The following GTPBP10 variants were observed in gnomAD, a reference collection of about 807,000 sequenced individuals.
GTPBP10 encodes the protein GTP binding protein 10.
In GTPBP10, 38 loss-of-function variants were observed where a neutral mutation model predicts 44.8. That is an observed-to-expected ratio of 0.85 (90% CI 0.65 to 1.11). GTPBP10 has a LOEUF of 1.11. Among genes scored for constraint, GTPBP10 ranks in the 50% most tolerant of loss-of-function variants. The pLI, the probability that GTPBP10 is intolerant of heterozygous loss-of-function variation, is 0.00. For missense variants in GTPBP10, 462 were observed against 453.7 expected (o/e 1.02, Z -0.17); for synonymous variants, 152 against 150.6 (o/e 1.01, Z -0.07).
At chr7:90,368,567 TTCCACTTGA>T (rs1796183511) in intron 4 of GTPBP10, among the ~76,000 whole-genome samples, 1 of 152,208 alleles carries the variant, frequency 6.6e-6, no homozygotes, top group South Asian at 2.1e-4. Flanking sequence ...CCTTCCTTTC[TTCCACTTGA>T]TCCAGTCGGC....
At chr7:90,373,202 C>T (rs1194152313) in intron 5 of GTPBP10, among the ~76,000 whole-genome samples, 5 of 151,984 alleles carry the variant, frequency 3.3e-5, no homozygotes, top group Non-Finnish European at 2.9e-5. Context: ...GTCACATAGA[C>T]CATTTAGGCT....
chr7:90,360,211 G>C (rs1467900925), intron 4 of GTPBP10, among the ~76,000 whole-genome samples: 1 of 152,104 alleles, frequency 6.6e-6, no homozygotes, highest in East Asian at 1.9e-4. Flanking sequence ...TGAAGTCCTT[G>C]CCCATGCCTA....
chr7:90,367,873 C>T (rs1366996590), intron 4 of GTPBP10, among the ~76,000 whole-genome samples: 1 of 152,124 alleles, frequency 6.6e-6, no homozygotes, highest in Non-Finnish European at 1.5e-5. Context: ...TTCTTCATAG[C>T]GTCAATGGTG....
intron 1 of GTPBP10, among the ~76,000 whole-genome samples, chr7:90,350,269 A>G (rs1205020936): frequency 2.6e-5 from 4 of 152,198 alleles, no homozygotes; most frequent in Non-Finnish European, 4.4e-5. Context: ...TCCATCGTGT[A>G]TATGTGCCAC....
chr7:90,380,660 A>G (rs1796420902), intron 8 of GTPBP10, among the ~76,000 whole-genome samples: 1 of 152,240 alleles, frequency 6.6e-6, no homozygotes, highest in Non-Finnish European at 1.5e-5. Flanking sequence ...TGTGTTGAGA[A>G]TATTTAAAAT....
chr7:90,358,000 G>C (rs1795940099), intron 4 of GTPBP10, among the ~76,000 whole-genome samples: 1 of 152,064 alleles, frequency 6.6e-6, no homozygotes, highest in Non-Finnish European at 1.5e-5. Flanking sequence ...CAAACTATCT[G>C]TTTGCCCACC....
Position 90,383,009 on chromosome 7 carries a change from T to A in GTPBP10, c.831T>A (p.Val277=). 1 of 1,600,280 alleles carries A rather than the reference T, an allele frequency of 6.2e-7. No homozygotes were observed. The highest frequency in any genetic ancestry group is 1.1e-5 in the South Asian group (1 of 88,420). ...AGACAAAACCTGCACTCTTGGCAGTTAATAAAATGGACTTGCCAGATGCCC... is the reference window on the plus strand; with the variant it reads ...AGACAAAACCTGCACTCTTGGCAGTAAATAAAATGGACTTGCCAGATGCCC... ...ELQTKPALLA[V]NKMDLPDAQD... is the part of the protein sequence containing the mutation. Residue 277 remains valine (V), a synonymous_variant, in exon 9 of 10, where the codon GTT becomes GTA. Coordinates refer to ENST00000222511, the MANE Select transcript of GTPBP10 (RefSeq NM_033107.4).
rs950350106 is a variant in GTPBP10, at chr7:90,387,349, A to T, written c.*2195A>T. 2.6e-5 allele frequency: 4 copies of T among 152,122 alleles called. No individual in the cohort carries two copies. Among genetic ancestry groups the T allele is most frequent in the African/African-American group, 9.7e-5 (4 of 41,406 alleles). The allele number at this position is 152,122 out of a possible 1,614,324, so 9.4% of individuals were successfully genotyped here. On this transcript the variant is annotated 3_prime_UTR_variant, in exon 10 of 10. Coordinates refer to ENST00000222511, the MANE Select transcript of GTPBP10 (RefSeq NM_033107.4). ...GAGACTTCCTCTCAAAAAACAAAAT[A>T]TTGTACTTCAAAAAATTATTCTTCA...
At chr7:90,372,422 C>A (rs557240811) in intron 5 of GTPBP10, among the ~76,000 whole-genome samples, 194 bp downstream of exon 5, 4 of 140,458 alleles carry the variant, frequency 2.8e-5, no homozygotes, top group African/African-American at 1.1e-4. Flanking sequence ...TCAAGCCATC[C>A]CCCTGCATCA....
intron 2 of GTPBP10, 87 bp from the exon 3 acceptor site, chr7:90,354,371 C>G: frequency 1.7e-6 from 1 of 576,004 alleles, no homozygotes; most frequent in Non-Finnish European, 2.8e-6. Flanking sequence ...GATTGCTACT[C>G]TTCTTTGTAA....
At chr7:90,356,016 G>T (rs1795893896) in intron 4 of GTPBP10, among the ~76,000 whole-genome samples, 1 of 135,846 alleles carries the variant, frequency 7.4e-6, no homozygotes, top group South Asian at 2.2e-4. Flanking sequence ...CAGTTATTCA[G>T]ATGGAAAGCT....
Position 90,386,855 on chromosome 7 carries a change from C to T in GTPBP10, c.*1701C>T, listed in dbSNP as rs1796533399. On this transcript the variant is annotated 3_prime_UTR_variant, in exon 10 of 10. Transcript: ENST00000222511. ...GTAAAAACAAAAAATTCAAATAGTACAAAAGCATATAAGTAACTAATAAAA... is the reference window on the plus strand; with the variant it reads ...GTAAAAACAAAAAATTCAAATAGTATAAAAGCATATAAGTAACTAATAAAA... 1 of 151,990 alleles carries T rather than the reference C, an allele frequency of 6.6e-6. No homozygotes were observed. The highest frequency in any genetic ancestry group is 2.1e-4 in the South Asian group (1 of 4,826). 9.4% of individuals were successfully genotyped at this position (151,990 alleles called of 1,614,324 possible).
intron 9 of GTPBP10, among the ~76,000 whole-genome samples, chr7:90,384,680 A>G (rs1796492001): frequency 6.6e-6 from 1 of 151,882 alleles, no homozygotes; most frequent in Admixed American, 6.6e-5. Context: ...TTTGGTTTAA[A>G]ATATATTTAT....
intron 9 of GTPBP10, among the ~76,000 whole-genome samples, chr7:90,384,596 C>A (rs1022273506): frequency 6.7e-6 from 1 of 150,278 alleles, no homozygotes; most frequent in African/African-American, 2.5e-5. Flanking sequence ...CTTATTTAAC[C>A]CCCCCCACAC....
At chr7:90,365,891 G>C (rs1244956538) in intron 4 of GTPBP10, among the ~76,000 whole-genome samples, 1 of 152,176 alleles carries the variant, frequency 6.6e-6, no homozygotes, top group Non-Finnish European at 1.5e-5. Flanking sequence ...TATGAGATTG[G>C]CTGTGGGTTT....
intron 2 of GTPBP10, chr7:90,353,224 G>A: frequency 2.5e-6 from 1 of 398,864 alleles, no homozygotes; most frequent in Non-Finnish European, 4.5e-6. Flanking sequence ...TTTTCCCAAT[G>A]TCTATCTGTA....
chr7:90,360,859 G>A (rs527819420), intron 4 of GTPBP10, among the ~76,000 whole-genome samples: 1 of 152,244 alleles, frequency 6.6e-6, no homozygotes, highest in South Asian at 2.1e-4. Flanking sequence ...CACATCCCTT[G>A]TAAGTTGGAT....
At chr7:90,360,274 A>T (rs174064) in intron 4 of GTPBP10, among the ~76,000 whole-genome samples, 119,909 of 152,118 alleles carry the variant, frequency 0.79, 47,378 homozygotes, top group East Asian at 0.89. Flanking sequence ...TGGTTTTACG[A>T]CTATCATTTA....
intron 4 of GTPBP10, chr7:90,371,161 TAAAG>T (rs992118670): frequency 1.0e-6 from 1 of 953,838 alleles, no homozygotes; most frequent in Non-Finnish European, 1.2e-6. Flanking sequence ...CTTGTTTGCA[TAAAG>T]AAAAAGTTGT....
Sources: gnomAD v4.1 joint callset for allele counts (sites outside exome capture counted in the v4.1 genomes callset) on GRCh38, gnomAD v4.1.1 for gene constraint, MANE v1.5 for transcripts, NCBI Gene and HGNC (gene_info 2026-07-23, HGNC 2026-07-21) for gene names.